The following CTNNA3 variants were observed in gnomAD, a reference collection of about 807,000 sequenced individuals.
CTNNA3 encodes the protein catenin alpha 3, also known as catenin alpha-3.
In CTNNA3, 76 loss-of-function variants were observed where a neutral mutation model predicts 95.7. The observed-to-expected ratio is 0.79, with a 90% confidence interval of 0.66 to 0.96. The LOEUF (loss-of-function observed/expected upper bound fraction) is 0.96. Ranked by LOEUF, CTNNA3 falls within the 40% of genes least tolerant of loss-of-function variation. The pLI, the probability that CTNNA3 is intolerant of heterozygous loss-of-function variation, is 0.00. For synonymous variants in CTNNA3, 431 were observed against 374.4 expected (o/e 1.15, Z -1.74); for missense variants, 1,191 against 1,089.8 (o/e 1.09, Z -1.31).
At position 66,791,869 on chromosome 10, in the gene CTNNA3, G is replaced by A. The variant is rs139497449; in HGVS notation, c.1048-16345C>T. Among the ~76,000 whole-genome samples the A allele has an allele frequency of 2.3e-3, 351 of 152,180 alleles. 5 individuals are homozygous for A. The highest frequency in any genetic ancestry group is 0.017 in the South Asian group (83 of 4,822). Reference sequence around the variant, plus strand: ...TCTTATCAAAGCTCATTTCTATATCGTTGGGTTATATACTATACTTATGCA... The same window carrying A: ...TCTTATCAAAGCTCATTTCTATATCATTGGGTTATATACTATACTTATGCA... On this transcript the variant is annotated intron_variant, in intron 7 of 17. Transcript: ENST00000433211.
intron 13 of CTNNA3, among the ~76,000 whole-genome samples, chr10:66,255,886 C>T (rs2090750780): frequency 6.6e-6 from 1 of 152,288 alleles, no homozygotes; most frequent in South Asian, 2.1e-4. Flanking sequence ...TAACTATTTC[C>T]TTTGTTTTAA....
chr10:66,000,017 T>C (rs1249464282), intron 15 of CTNNA3, among the ~76,000 whole-genome samples: 1 of 151,964 alleles, frequency 6.6e-6, no homozygotes, highest in East Asian at 1.9e-4. Context: ...TCCATTTTTA[T>C]ACATACTTCA....
Position 67,639,362 on chromosome 10 carries a change from T to G in CTNNA3, c.99+8053A>C, listed in dbSNP as rs1235165230. On this transcript the variant is annotated intron_variant, in intron 2 of 17. Transcript: ENST00000433211. ...AAGGCCCTGAAATTGAGGCAATAAT[T>G]AATAGCTTACCAACCAAAAAAAGTC... 2.0e-5 allele frequency among the ~76,000 whole-genome samples: 3 copies of G among 152,072 alleles called. No individual in the cohort carries two copies. The East Asian group carries it at 5.8e-4, about 29-fold the overall frequency.
intron 13 of CTNNA3, among the ~76,000 whole-genome samples, chr10:66,213,967 T>A (rs1305433708): frequency 6.6e-6 from 1 of 152,082 alleles, no homozygotes; most frequent in South Asian, 2.1e-4. Context: ...TCAGCAGAAA[T>A]TGGGGATTTA....
chr10:66,425,268 T>A (rs2093229778), intron 11 of CTNNA3, among the ~76,000 whole-genome samples: 1 of 149,992 alleles, frequency 6.7e-6, no homozygotes, highest in Non-Finnish European at 1.5e-5. Context: ...TTTTTTAATC[T>A]AATATAATAC....
chr10:67,735,886 A>T (rs1032800873), intron 1 of CTNNA3, among the ~76,000 whole-genome samples: 1 of 152,198 alleles, frequency 6.6e-6, no homozygotes, highest in Admixed American at 6.5e-5. Flanking sequence ...GTCATAATAG[A>T]CAAAAGGTAG....
At chr10:66,401,093 C>A (rs1358474299) in intron 11 of CTNNA3, among the ~76,000 whole-genome samples, 4 of 151,996 alleles carry the variant, frequency 2.6e-5, no homozygotes, top group Non-Finnish European at 5.9e-5. Context: ...ATTATGAGTC[C>A]TTGAGTGTTG....
At chr10:66,050,491 G>A (rs1216808149) in intron 15 of CTNNA3, among the ~76,000 whole-genome samples, 1 of 151,810 alleles carries the variant, frequency 6.6e-6, no homozygotes. Context: ...TGCAGTGGTA[G>A]ATCATAGCTT....
chr10:66,080,105 AAC>A (rs1411416342), intron 14 of CTNNA3, among the ~76,000 whole-genome samples: 1 of 152,104 alleles, frequency 6.6e-6, no homozygotes, highest in Non-Finnish European at 1.5e-5. Flanking sequence ...ATATAAATAA[AAC>A]AGTCATGCTT....
chr10:67,323,693 T>C (rs1841420383), intron 5 of CTNNA3, among the ~76,000 whole-genome samples: 1 of 152,216 alleles, frequency 6.6e-6, no homozygotes, highest in African/African-American at 2.4e-5. Flanking sequence ...GTCTTGGCTA[T>C]CTAGGCTCTT....
rs1402992349 is a variant in CTNNA3 at position 66,951,387 on chromosome 10, A to G, written c.1048-175863T>C. On this transcript the variant is annotated intron_variant, in intron 7 of 17. Transcript: ENST00000433211. ...CGCCTCTGCCTCCCAGAGTGCTGGG[A>G]TTACAGGCATAAGCCACCATGCCCA... Among the ~76,000 whole-genome samples the G allele has an allele frequency of 2.0e-5, 3 of 152,192 alleles. No individual in the cohort carries two copies. In the East Asian group the frequency reaches 5.8e-4, roughly 29 times the overall value.
chr10:67,476,601 T>C (rs1848023940), intron 5 of CTNNA3, among the ~76,000 whole-genome samples: 1 of 151,014 alleles, frequency 6.6e-6, no homozygotes. Context: ...CAGCCTGAGC[T>C]GCCCCACCCT....
At chr10:65,931,380 T>C (rs2077250087) in intron 17 of CTNNA3, among the ~76,000 whole-genome samples, 1 of 152,216 alleles carries the variant, frequency 6.6e-6, no homozygotes, top group Admixed American at 6.5e-5. Context: ...GTCAGTTGTT[T>C]AAACATAGGT....
At chr10:67,537,638 G>A (rs1311084122) in intron 4 of CTNNA3, among the ~76,000 whole-genome samples, 1 of 152,218 alleles carries the variant, frequency 6.6e-6, no homozygotes, top group African/African-American at 2.4e-5. Context: ...AATTGGTTAT[G>A]AAGGTGGCAA....
At chr10:65,965,847 A>T (rs989555005) in intron 17 of CTNNA3, among the ~76,000 whole-genome samples, 2 of 152,128 alleles carry the variant, frequency 1.3e-5, no homozygotes, top group African/African-American at 4.8e-5. Context: ...ATTAAAAAAA[A>T]TTTTCTCAGA....
chr10:66,395,035 T>G lies in CTNNA3; in HGVS notation c.1532-15683A>C, dbSNP rs181691953. 8.6e-5 allele frequency among the ~76,000 whole-genome samples: 13 copies of G among 152,028 alleles called. No individual in the cohort carries two copies. The East Asian group carries it at 2.5e-3, about 29-fold the overall frequency. On this transcript the variant is annotated intron_variant, in intron 11 of 17. Transcript: ENST00000433211. The stretch of plus-strand genomic sequence containing the variant: ...TATTTATTTTTTCCCCTCAGAATAA[T>G]AAGTATATACACAGCTCAATTATCT...
chr10:67,310,004 C>A (rs951217556), intron 5 of CTNNA3, among the ~76,000 whole-genome samples: 1 of 152,050 alleles, frequency 6.6e-6, no homozygotes, highest in Non-Finnish European at 1.5e-5. Flanking sequence ...GAGGAACTTA[C>A]GTGAAGTGTC....
At chr10:66,027,313 G>A (rs2079360213) in intron 15 of CTNNA3, among the ~76,000 whole-genome samples, 1 of 152,056 alleles carries the variant, frequency 6.6e-6, no homozygotes, top group Non-Finnish European at 1.5e-5. Flanking sequence ...ATTTTATTAA[G>A]GTGAATATAT....
At chr10:66,560,455 CTG>C (rs1842518254) in intron 10 of CTNNA3, among the ~76,000 whole-genome samples, 1 of 151,934 alleles carries the variant, frequency 6.6e-6, no homozygotes, top group African/African-American at 2.4e-5. Context: ...AAATTTGTCT[CTG>C]TATCTTGCAA....
Sources: gnomAD v4.1 joint callset for allele counts (sites outside exome capture counted in the v4.1 genomes callset) on GRCh38, gnomAD v4.1.1 for gene constraint, MANE v1.5 for transcripts, NCBI Gene and HGNC (gene_info 2026-07-23, HGNC 2026-07-21) for gene names.